TRABD2B: variants seen among roughly 807,000 people sequenced by gnomAD.
The protein encoded by TRABD2B is TraB domain containing 2B, also known as metalloprotease TIKI2.
In TRABD2B, 14 loss-of-function variants were observed where a neutral mutation model predicts 40.1. The observed-to-expected ratio is 0.35, with a 90% CI of 0.23 to 0.55. The LOEUF is 0.55. Among genes scored for constraint, TRABD2B ranks in the 20% least tolerant of loss-of-function variants. TRABD2B has a pLI of 0.90. For synonymous variants in TRABD2B, 263 were observed against 277.0 expected (o/e 0.95, Z 0.50); for missense variants, 541 against 648.6 (o/e 0.83, Z 1.80).
chr1:47,778,325 GCCTTT>G, intron 5 of TRABD2B, 124 bp downstream of exon 5: 1 of 698,530 alleles, frequency 1.4e-6, no homozygotes, highest in East Asian at 2.7e-5. Flanking sequence ...CTCCAGCCCA[GCCTTT>G]CCATTCTTGC....
At chr1:47,990,786 T>C (rs1328014786) in intron 2 of TRABD2B, among the ~76,000 whole-genome samples, 14 of 12,760 alleles carry the variant, frequency 1.1e-3, no homozygotes, top group East Asian at 2.5e-3. Context: ...TATATATATA[T>C]ATATATATAT....
chr1:47,831,689 TTCAAA>T (rs1281393762), intron 2 of TRABD2B, among the ~76,000 whole-genome samples: 1 of 152,138 alleles, frequency 6.6e-6, no homozygotes, highest in Non-Finnish European at 1.5e-5. Context: ...GAGAGAACCT[TTCAAA>T]TCACCAGCGG....
chr1:47,854,570 A>C (rs1476795562), intron 2 of TRABD2B, among the ~76,000 whole-genome samples: 1 of 138,962 alleles, frequency 7.2e-6, no homozygotes, highest in East Asian at 2.1e-4. Context: ...GGGTCTCAAA[A>C]CAGAGTGTAG....
At chr1:47,797,092 CA>C (rs1644759467) in intron 3 of TRABD2B, among the ~76,000 whole-genome samples, 3 of 152,324 alleles carry the variant, frequency 2.0e-5, no homozygotes, top group Admixed American at 2.0e-4. Flanking sequence ...ACAGCCAGGA[CA>C]ACTTGGGTTG....
chr1:47,826,658 C>G (rs1645179669), intron 2 of TRABD2B, among the ~76,000 whole-genome samples: 2 of 152,116 alleles, frequency 1.3e-5, no homozygotes, highest in Non-Finnish European at 2.9e-5. Context: ...ACTGCAGCCT[C>G]AAACTCCTGG....
intron 2 of TRABD2B, among the ~76,000 whole-genome samples, chr1:47,837,231 A>G (rs1436303181): frequency 6.6e-6 from 1 of 152,204 alleles, no homozygotes; most frequent in African/African-American, 2.4e-5. Flanking sequence ...AGCCAGGGCC[A>G]GCAGTACAGT....
intron 3 of TRABD2B, among the ~76,000 whole-genome samples, chr1:47,796,875 T>C (rs1569964858): frequency 6.6e-6 from 1 of 152,336 alleles, no homozygotes; most frequent in African/African-American, 2.4e-5. Context: ...TGACGGCTTC[T>C]GAACGGGGAG....
chr1:47,786,916 G>T (rs191687511), intron 4 of TRABD2B, among the ~76,000 whole-genome samples: 4 of 152,248 alleles, frequency 2.6e-5, no homozygotes, highest in Non-Finnish European at 4.4e-5. Flanking sequence ...TATTGCCCAG[G>T]CTGGTCTCAA....
Position 47,794,573 on chromosome 1 carries a change from C to T in TRABD2B, c.988+13G>A. ...GATTCTGCAAACAATCCCTTCCCCACACTGGCCCAAACCTGCTCCGAAGGC... is the reference window on the plus strand; with the variant it reads ...GATTCTGCAAACAATCCCTTCCCCATACTGGCCCAAACCTGCTCCGAAGGC... On this transcript the variant is annotated intron_variant, in intron 4 of 6. Coordinates refer to ENST00000606738, the MANE Select transcript of TRABD2B (RefSeq NM_001194986.2). The T allele has an allele frequency of 2.0e-6, 3 of 1,512,788 alleles. No individual in the cohort carries two copies. Among genetic ancestry groups the T allele is most frequent in the Non-Finnish European group, 2.7e-6 (3 of 1,130,956 alleles). The allele number at this position is 1,512,788 out of a possible 1,614,324, so 93.7% of individuals were successfully genotyped here. A position where few individuals can be genotyped will look rare whatever the true frequency, so the allele number is the denominator to read the frequency against.
chr1:47,958,923 CACA>C (rs1645466752), intron 2 of TRABD2B, among the ~76,000 whole-genome samples: 1 of 152,190 alleles, frequency 6.6e-6, no homozygotes, highest in Admixed American at 6.5e-5. Flanking sequence ...TTCTCAGCAC[CACA>C]TCACACTTAT....
chr1:47,869,392 T>A (rs1228159826), intron 2 of TRABD2B, among the ~76,000 whole-genome samples: 1 of 152,240 alleles, frequency 6.6e-6, no homozygotes, highest in Non-Finnish European at 1.5e-5. Context: ...AGTAAACTCA[T>A]TGTAACCACC....
chr1:47,959,818 C>T (rs914853105), intron 2 of TRABD2B, among the ~76,000 whole-genome samples: 1 of 152,110 alleles, frequency 6.6e-6, no homozygotes, highest in Admixed American at 6.6e-5. Context: ...TCTGAAACTA[C>T]TCCAATCAAT....
intron 6 of TRABD2B, 111 bp from the exon 7 acceptor site, chr1:47,766,217 G>C (rs1644300875): frequency 3.1e-6 from 2 of 644,550 alleles, no homozygotes; most frequent in East Asian, 2.7e-5. Context: ...ATACAATGGA[G>C]AAGGGAACAA....
intron 3 of TRABD2B, chr1:47,795,565 A>C: frequency 1.3e-6 from 1 of 793,198 alleles, no homozygotes; most frequent in South Asian, 5.8e-5. Flanking sequence ...GCACCGGGCA[A>C]GTTACTTAAC....
At chr1:47,907,501 C>G (rs1472481390) in intron 2 of TRABD2B, among the ~76,000 whole-genome samples, 1 of 152,186 alleles carries the variant, frequency 6.6e-6, no homozygotes. Flanking sequence ...GATGAGGAAA[C>G]TGAGGCTCCA....
intron 2 of TRABD2B, among the ~76,000 whole-genome samples, chr1:47,908,222 G>T (rs2124696604): frequency 6.6e-6 from 1 of 152,280 alleles, no homozygotes; most frequent in East Asian, 1.9e-4. Context: ...TGCACATATA[G>T]AGAGAGACAC....
At chr1:47,874,256 T>A (rs1054691462) in intron 2 of TRABD2B, among the ~76,000 whole-genome samples, 3 of 130,514 alleles carry the variant, frequency 2.3e-5, no homozygotes, top group Non-Finnish European at 3.3e-5. Flanking sequence ...TAATTAATTT[T>A]TTTTTTTTTT....
At chr1:47,882,614 C>G (rs901253600) in intron 2 of TRABD2B, among the ~76,000 whole-genome samples, 1 of 152,152 alleles carries the variant, frequency 6.6e-6, no homozygotes, top group African/African-American at 2.4e-5. Flanking sequence ...CTAACACAGA[C>G]AGCACCTATG....
At chr1:47,880,644 G>A (rs907483618) in intron 2 of TRABD2B, among the ~76,000 whole-genome samples, 5 of 152,190 alleles carry the variant, frequency 3.3e-5, no homozygotes, top group Admixed American at 6.5e-5. Context: ...CACAGCGTGT[G>A]CACAGGTTCT....
Sources: allele counts gnomAD v4.1 joint callset (sites outside exome capture counted in the v4.1 genomes callset), GRCh38; gene constraint gnomAD v4.1.1; transcripts MANE v1.5; gene names NCBI Gene and HGNC (gene_info 2026-07-23, HGNC 2026-07-21).